LCP1: variants seen among roughly 807,000 people sequenced by gnomAD.
LCP1 encodes plastin-2.
LCP1 carries 23 observed loss-of-function variants against 72.0 expected under a neutral mutation model. The observed-to-expected ratio is 0.32, with a 90% CI of 0.23 to 0.45. LCP1 has a LOEUF of 0.45. LCP1 is among the 20% of genes least tolerant of loss of function. LCP1 has a pLI of 1.00. For synonymous variants in LCP1, 245 were observed against 275.4 expected (o/e 0.89, Z 1.09); for missense variants, 571 against 748.3 (o/e 0.76, Z 2.76).
chr13:46,162,995 C>G (rs1338951570), intron 1 of LCP1, among the ~76,000 whole-genome samples: 1 of 148,494 alleles, frequency 6.7e-6, no homozygotes, highest in East Asian at 2.3e-4. Context: ...CGGCAGCCGC[C>G]CCGTCGGGGA....
intron 5 of LCP1, among the ~76,000 whole-genome samples, 187 bp downstream of exon 5, chr13:46,156,250 AC>A (rs1458462496): frequency 6.6e-6 from 1 of 152,212 alleles, no homozygotes; most frequent in Non-Finnish European, 1.5e-5. Context: ...TAGCAATTTT[AC>A]ATTTCTCATT....
chr13:46,140,400 A>C (rs1017247172), intron 13 of LCP1, among the ~76,000 whole-genome samples: 4 of 152,212 alleles, frequency 2.6e-5, no homozygotes, highest in African/African-American at 7.2e-5. Context: ...TTCATAATAC[A>C]TGAGCATCAA....
At chr13:46,150,759 G>A (rs547156385) in intron 8 of LCP1, among the ~76,000 whole-genome samples, 177 bp downstream of exon 8, 1 of 152,290 alleles carries the variant, frequency 6.6e-6, no homozygotes, top group East Asian at 1.9e-4. Flanking sequence ...GTCTGTGTAT[G>A]GCCCAGGACT....
At chr13:46,145,419 A>G (rs959222109) in intron 10 of LCP1, among the ~76,000 whole-genome samples, 2 of 152,200 alleles carry the variant, frequency 1.3e-5, no homozygotes, top group African/African-American at 4.8e-5. Context: ...TAAAATAATT[A>G]GTGTATGAGG....
chr13:46,128,459 G>C (rs577037894), intron 15 of LCP1, among the ~76,000 whole-genome samples: 14 of 152,176 alleles, frequency 9.2e-5, no homozygotes, highest in African/African-American at 2.9e-4. Context: ...TTAGCCAGGC[G>C]TGGTGGCGTG....
rs1391159344 is a variant in LCP1 at position 46,182,164 on chromosome 13, T to C, written c.-78A>G. 3 of 152,226 alleles carry C rather than the reference T, an allele frequency of 2.0e-5. No individual in the cohort carries two copies. The highest frequency in any genetic ancestry group is 1.3e-4 in the Admixed American group (2 of 15,280). The allele number at this position is 152,226 out of a possible 1,614,324, so 9.4% of individuals were successfully genotyped here. On this transcript the variant is annotated 5_prime_UTR_variant, in exon 1 of 16. Transcript: ENST00000323076. ...TACTGGTGTATGACCAGGAACCCCT[T>C]CTTTCTGATCTGCAGAACAGCTTTG...
intron 13 of LCP1, among the ~76,000 whole-genome samples, chr13:46,135,108 CAA>C (rs11438431): frequency 5.1e-5 from 5 of 97,122 alleles, no homozygotes; most frequent in Admixed American, 3.4e-4. Flanking sequence ...GACTCTGTCT[CAA>C]AAAAAAAAAA....
intron 6 of LCP1, among the ~76,000 whole-genome samples, chr13:46,153,848 T>C (rs1421374713): frequency 6.6e-6 from 1 of 152,234 alleles, no homozygotes; most frequent in Non-Finnish European, 1.5e-5. Flanking sequence ...ATAGATTCTA[T>C]GTTCTTATGA....
At chr13:46,132,213 C>T (rs1214258756) in intron 14 of LCP1, among the ~76,000 whole-genome samples, 1 of 152,108 alleles carries the variant, frequency 6.6e-6, no homozygotes, top group Non-Finnish European at 1.5e-5. Context: ...AATAGTGAAC[C>T]CCAGCATCGC....
At chr13:46,173,557 T>G (rs2045913985) in intron 1 of LCP1, among the ~76,000 whole-genome samples, 1 of 148,446 alleles carries the variant, frequency 6.7e-6, no homozygotes, top group Non-Finnish European at 1.5e-5. Flanking sequence ...TAGGAAATAT[T>G]GTCAAGTCGC....
rs2045600262 is a variant in LCP1 at position 46,126,673 on chromosome 13, C to G, written c.*918G>C. 1 of 231,640 alleles carries G rather than the reference C, an allele frequency of 4.3e-6. No homozygotes were observed. Among genetic ancestry groups the G allele is most frequent in the South Asian group, 1.8e-4 (1 of 5,508 alleles). 14.3% of individuals were successfully genotyped at this position (231,640 alleles called of 1,614,324 possible). A position where few individuals can be genotyped will look rare whatever the true frequency, so the allele number is the denominator to read the frequency against. On this transcript the variant is annotated 3_prime_UTR_variant, in exon 16 of 16. Coordinates refer to ENST00000323076, the MANE Select transcript of LCP1 (RefSeq NM_002298.5). ...ATTAGCCATACCACAGTAACTAGAT[C>G]TAATGTGAGGGCTAAATGCCTGGAG...
At chr13:46,180,519 G>A (rs1360408389) in intron 1 of LCP1, among the ~76,000 whole-genome samples, 1 of 152,186 alleles carries the variant, frequency 6.6e-6, no homozygotes, top group East Asian at 1.9e-4. Flanking sequence ...AAAGAAAAGG[G>A]TCTCTGGGAT....
At chr13:46,180,811 A>T (rs2045952469) in intron 1 of LCP1, among the ~76,000 whole-genome samples, 1 of 152,220 alleles carries the variant, frequency 6.6e-6, no homozygotes, top group Admixed American at 6.5e-5. Flanking sequence ...TTTTATTCTC[A>T]TTAATAGTTT....
chr13:46,128,524 G>A (rs1194360493), intron 15 of LCP1, among the ~76,000 whole-genome samples: 1 of 152,082 alleles, frequency 6.6e-6, no homozygotes, highest in Non-Finnish European at 1.5e-5. Flanking sequence ...CTTGAACCCG[G>A]GAGGCGGAGG....
intron 15 of LCP1, among the ~76,000 whole-genome samples, chr13:46,129,540 A>G (rs2045621265): frequency 1.3e-5 from 2 of 151,960 alleles, no homozygotes; most frequent in Non-Finnish European, 2.9e-5. Flanking sequence ...GATGCCTCAT[A>G]CTGTCCCTTC....
At chr13:46,138,408 C>T (rs1338173902) in intron 13 of LCP1, among the ~76,000 whole-genome samples, 8 of 152,096 alleles carry the variant, frequency 5.3e-5, no homozygotes, top group African/African-American at 1.5e-4. Context: ...TCTCCTTCTA[C>T]AGTAATATAT....
At chr13:46,152,364 T>G (rs1309537684) in intron 7 of LCP1, among the ~76,000 whole-genome samples, 1 of 152,202 alleles carries the variant, frequency 6.6e-6, no homozygotes, top group Non-Finnish European at 1.5e-5. Context: ...CCTTCCTCTA[T>G]AGTTTTGATA....
intron 14 of LCP1, among the ~76,000 whole-genome samples, chr13:46,131,567 C>T (rs2045634284): frequency 6.6e-6 from 1 of 152,088 alleles, no homozygotes; most frequent in Non-Finnish European, 1.5e-5. Flanking sequence ...GTGTTCATCG[C>T]AGCACTATTC....
chr13:46,136,228 T>C (rs1566434293), intron 13 of LCP1, among the ~76,000 whole-genome samples: 1 of 152,146 alleles, frequency 6.6e-6, no homozygotes, highest in Non-Finnish European at 1.5e-5. Context: ...CTGGGCCCCC[T>C]TCCCTTCTAG....
Sources: gnomAD v4.1 joint callset for allele counts (sites outside exome capture counted in the v4.1 genomes callset) on GRCh38, gnomAD v4.1.1 for gene constraint, MANE v1.5 for transcripts, NCBI Gene and HGNC (gene_info 2026-07-23, HGNC 2026-07-21) for gene names.